The following MCF2L variants were observed in gnomAD, a reference collection of about 807,000 sequenced individuals.
MCF2L encodes MCF.2 cell line derived transforming sequence like.
In MCF2L, 97 loss-of-function variants were observed where a neutral mutation model predicts 153.4. The observed-to-expected ratio is 0.63, with a 90% CI of 0.54 to 0.75. The LOEUF (loss-of-function observed/expected upper bound fraction) is 0.75. Ranked by LOEUF, MCF2L falls within the 30% of genes least tolerant of loss-of-function variation. MCF2L has a pLI of 0.00. For missense variants in MCF2L, 1,347 were observed against 1,495.2 expected (o/e 0.90, Z 1.64); for synonymous variants, 659 against 632.2 (o/e 1.04, Z -0.64).
chr13:112,998,300 C>T (rs2083221809), intron 1 of MCF2L, among the ~76,000 whole-genome samples: 3 of 152,194 alleles, frequency 2.0e-5, no homozygotes, highest in Non-Finnish European at 4.4e-5. Flanking sequence ...ATACCAAATA[C>T]AACAACTAGA....
intron 2 of MCF2L, among the ~76,000 whole-genome samples, chr13:112,929,428 A>G (rs2081439562): frequency 6.6e-6 from 1 of 152,230 alleles, no homozygotes; most frequent in African/African-American, 2.4e-5. Flanking sequence ...AGGAAATGGG[A>G]TAAAGCCATT....
At chr13:112,968,467 G>GGCGA, upstream of MCF2L, 1 of 1,589,366 alleles carries the variant, frequency 6.3e-7, no homozygotes, top group Non-Finnish European at 8.5e-7. Context: ...TGCCAACCAT[G>GGCGA]GCGAGGGTGG....
chr13:113,015,927 T>TCCTCCTGC (rs902492643), intron 2 of MCF2L, among the ~76,000 whole-genome samples: 12 of 152,220 alleles, frequency 7.9e-5, no homozygotes, highest in African/African-American at 2.9e-4. Flanking sequence ...TTCTGCCGGT[T>TCCTCCTGC]CCTCCTGCGT....
intron 2 of MCF2L, among the ~76,000 whole-genome samples, chr13:112,944,949 G>A (rs1251942748): frequency 1.3e-5 from 2 of 151,502 alleles, no homozygotes; most frequent in African/African-American, 4.9e-5. Flanking sequence ...AAATCACTTT[G>A]TGTTAGTCCT....
chr13:113,091,441 G>C (rs1163602718), intron 26 of MCF2L, among the ~76,000 whole-genome samples: 1 of 152,238 alleles, frequency 6.6e-6, no homozygotes, highest in African/African-American at 2.4e-5. Context: ...CCACCCCGTC[G>C]GTGGCTGCTG....
chr13:112,912,564 G>A (rs1021605566), intron 2 of MCF2L, among the ~76,000 whole-genome samples: 4 of 152,228 alleles, frequency 2.6e-5, no homozygotes, highest in East Asian at 1.9e-4. Context: ...TGATTCACCC[G>A]CCTTGGCCTC....
rs1566695358 is a variant in MCF2L at position 112,988,516 on chromosome 13, AC to A, written c.79+19061del. On this transcript the variant is annotated intron_variant, in intron 1 of 29. Transcript: ENST00000535094. Reference sequence around the variant, plus strand: ...CCTGAGCAGGGGATGGAGCTACCACACCCGAGTCCTCCCTGAGCAGGGGATG... The same window carrying A: ...CCTGAGCAGGGGATGGAGCTACCACACCGAGTCCTCCCTGAGCAGGGGATG... Among the ~76,000 whole-genome samples the A allele has an allele frequency of 7.4e-3, 1,113 of 149,806 alleles. 11 individuals are homozygous for A. The highest frequency in any genetic ancestry group is 0.026 in the African/African-American group (1,038 of 40,516).
chr13:112,928,855 G>T (rs2081434009), intron 2 of MCF2L, among the ~76,000 whole-genome samples: 1 of 152,212 alleles, frequency 6.6e-6, no homozygotes, highest in South Asian at 2.1e-4. Context: ...CCCGGCCGAG[G>T]GCCTTTTCTG....
chr13:112,898,108 C>T (rs1376574249), intron 1 of MCF2L, among the ~76,000 whole-genome samples: 4 of 152,212 alleles, frequency 2.6e-5, no homozygotes, highest in South Asian at 4.1e-4. Flanking sequence ...TTAATACTGG[C>T]GATTTACAGT....
Position 113,065,067 on chromosome 13 carries a change from G to A in MCF2L, c.738G>A (p.Glu246=), listed in dbSNP as rs2032143935. 10 of 1,610,838 alleles carry A rather than the reference G, an allele frequency of 6.2e-6. No individual in the cohort carries two copies. Among genetic ancestry groups the A allele is most frequent in the Non-Finnish European group, 7.6e-6 (9 of 1,179,530 alleles). Residue 246 remains glutamate, a synonymous_variant, in exon 7 of 30, where the codon GAG becomes GAA. Coordinates refer to ENST00000535094, the MANE Select transcript of MCF2L (RefSeq NM_001112732.3). ...GCTCAGTGCTGTGTGCGCACACAGA[G>A]AAGAAGGACAAGGCGAAGGTACATG... The part of the protein sequence containing the change: ...STSSVLCAHT[E]KKDKAKEDLR...
Position 112,904,952 on chromosome 13 carries a change from T to A in MCF2L, c.169+2581T>A, listed in dbSNP as rs1275726753. Among the ~76,000 whole-genome samples, 1 of 152,234 alleles carries A rather than the reference T, an allele frequency of 6.6e-6. No individual in the cohort carries two copies. The highest frequency in any genetic ancestry group is 1.5e-5 in the Non-Finnish European group (1 of 68,038). On this transcript the variant is annotated intron_variant, in intron 2 of 29. Coordinates refer to the MCF2L transcript ENST00000375608. The surrounding 1 kb of genome is among the most constrained non-coding windows in gnomAD (Gnocchi z 4.2). ...TAGACACCCATGAAATGTACCATTT[T>A]AACTACTGTCAAGTGTAGAGTTCCC... is the stretch of plus-strand genomic sequence containing the variant.
chr13:113,032,934 T>C (rs573326309), intron 3 of MCF2L, among the ~76,000 whole-genome samples: 1 of 152,128 alleles, frequency 6.6e-6, no homozygotes, highest in Non-Finnish European at 1.5e-5. Flanking sequence ...TCACTTGGGC[T>C]GGCCCCCGTG....
At chr13:113,061,607 C>G (rs2031418875) in intron 5 of MCF2L, among the ~76,000 whole-genome samples, 1 of 151,648 alleles carries the variant, frequency 6.6e-6, no homozygotes, top group Non-Finnish European at 1.5e-5. Context: ...GCGCTACAGC[C>G]TCAATGCCAA....
chr13:113,077,050 A>G lies in MCF2L; in HGVS notation c.1501-2A>G. 1 of 1,609,060 alleles carries G rather than the reference A, an allele frequency of 6.2e-7. No individual in the cohort carries two copies. The highest frequency in any genetic ancestry group is 8.5e-7 in the Non-Finnish European group (1 of 1,177,296). Reference sequence around the variant, plus strand: ...GGCACCTTACTGAGCATGCGGTTTCAGGAGCACGTGCGAAAGGTCTTCCAG... The same window carrying G: ...GGCACCTTACTGAGCATGCGGTTTCGGGAGCACGTGCGAAAGGTCTTCCAG... On this transcript the variant is annotated splice_acceptor_variant, in intron 12 of 29. Transcript: ENST00000535094. LOFTEE classifies it high-confidence loss of function.
rs745704267 is a variant in MCF2L, at chr13:113,094,479, C to A, written c.2954-35C>A. The A allele has an allele frequency of 3.6e-5, 57 of 1,589,572 alleles. No individual in the cohort carries two copies. The East Asian group carries it at 1.3e-3, about 35-fold the overall frequency. ...GACAGATGCAGACAGCGGCTCATCACCGGGGGGTCCCTCACGGGTGTCTGT... is the reference window on the plus strand; with the variant it reads ...GACAGATGCAGACAGCGGCTCATCAACGGGGGGTCCCTCACGGGTGTCTGT... On this transcript the variant is annotated intron_variant, in intron 26 of 29. Coordinates refer to ENST00000535094, the MANE Select transcript of MCF2L (RefSeq NM_001112732.3).
chr13:113,032,913 A>G (rs1159050046), intron 3 of MCF2L, among the ~76,000 whole-genome samples: 1 of 152,038 alleles, frequency 6.6e-6, no homozygotes, highest in Admixed American at 6.5e-5. Context: ...ATGTAAGCGG[A>G]CCTGGTGTGC....
chr13:113,069,943 A>C, intron 8 of MCF2L, 116 bp from the exon 9 acceptor site: 1 of 638,342 alleles, frequency 1.6e-6, no homozygotes, highest in Non-Finnish European at 2.7e-6. Context: ...GGAGGCCAGG[A>C]TCTCAGGAAG....
chr13:112,985,275 C>A, intron 1 of MCF2L: 1 of 399,730 alleles, frequency 2.5e-6, no homozygotes, highest in Non-Finnish European at 5.2e-6. Flanking sequence ...GCTGGTCCCT[C>A]ATGCAGATTT....
chr13:112,997,919 C>A (rs1217463159), intron 1 of MCF2L, among the ~76,000 whole-genome samples: 1 of 152,250 alleles, frequency 6.6e-6, no homozygotes, highest in Non-Finnish European at 1.5e-5. Context: ...CTGATTGGGA[C>A]AGGGCAGGAG....
Sources: gnomAD v4.1 joint callset for allele counts (sites outside exome capture counted in the v4.1 genomes callset) on GRCh38, gnomAD v4.1.1 for gene constraint, Gnocchi (gnomAD v3.1) non-coding constraint, MANE v1.5 for transcripts, NCBI Gene and HGNC (gene_info 2026-07-23, HGNC 2026-07-21) for gene names.